SLFN13: variants seen among roughly 807,000 people sequenced by gnomAD.
SLFN13 encodes the protein schlafen-13.
In SLFN13, 43 loss-of-function variants were observed where a neutral mutation model predicts 50.6. The observed-to-expected ratio is 0.85, with a 90% confidence interval of 0.67 to 1.09. SLFN13 has a LOEUF of 1.09. Ranked by LOEUF, SLFN13 falls within the 50% of genes least tolerant of loss-of-function variation. The pLI, the probability that SLFN13 is intolerant of heterozygous loss-of-function variation, is 0.00. For missense variants in SLFN13, 881 were observed against 1,071.1 expected (o/e 0.82, Z 2.48); for synonymous variants, 339 against 386.5 (o/e 0.88, Z 1.44).
In SLFN13 at chr17:35,440,840, T is replaced by C. The variant is rs369680515; in HGVS notation, c.2449A>G (p.Thr817Ala). The C allele has an allele frequency of 6.2e-7, 1 of 1,614,132 alleles. No individual in the cohort carries two copies. ...TTAGACTGATACTGCTCCACTTCTG[T>C]CACGGTGCTGACAAGCACAGCAACA... ...KDVAVLVSTVTEVEQYQSKLL... is the reference protein window; with the variant it reads ...KDVAVLVSTVAEVEQYQSKLL... The change falls in exon 6 of 6, where the codon ACA becomes GCA. Residue 817 changes from threonine (T) to alanine (A), a missense_variant. Transcript: ENST00000285013.
At chr17:35,441,418 GA>G (rs755307423) in intron 5 of SLFN13, 52 bp from the exon 6 acceptor site, 36 of 1,571,322 alleles carry the variant, frequency 2.3e-5, no homozygotes, top group Middle Eastern at 1.7e-4. Context: ...AACAAGGGGA[GA>G]AAATGATTGT....
Position 35,441,021 on chromosome 17 carries a change from G to T in SLFN13, c.2268C>A (p.Ile756=), listed in dbSNP as rs1188456273. 1 of 1,612,930 alleles carries T rather than the reference G, an allele frequency of 6.2e-7. No homozygotes were observed. The highest frequency in any genetic ancestry group is 1.1e-5 in the South Asian group (1 of 91,082). The change falls in exon 6 of 6, where the codon ATC becomes ATA. Residue 756 remains isoleucine (I), a synonymous_variant. Coordinates refer to ENST00000285013, the MANE Select transcript of SLFN13 (RefSeq NM_144682.6). ...QLIIENPPIN[I]PHGYLAILSE... is the part of the protein sequence containing the mutation. ...TGAGAATTGCCAGATACCCATGGGG[G>T]ATATTAATTGGAGGATTTTCTATAA...
rs554473580 is a variant in SLFN13 at position 35,437,003 on chromosome 17, T to C, written c.*3592A>G. ...TGATGATGGTACTATAAATGTCCTTTTAGGAAACACCCACTGAAGTATTTA... is the reference window on the plus strand; with the variant it reads ...TGATGATGGTACTATAAATGTCCTTCTAGGAAACACCCACTGAAGTATTTA... On this transcript the variant is annotated 3_prime_UTR_variant, in exon 6 of 6. Coordinates refer to ENST00000285013, the MANE Select transcript of SLFN13 (RefSeq NM_144682.6). The C allele has an allele frequency of 5.6e-4, 85 of 152,180 alleles. No individual in the cohort carries two copies. The highest frequency in any genetic ancestry group is 2.0e-3 in the African/African-American group (82 of 41,530). 9.4% of individuals were successfully genotyped at this position (152,180 alleles called of 1,614,324 possible). A position where few individuals can be genotyped will look rare whatever the true frequency, so the allele number is the denominator to read the frequency against.
At position 35,444,901 on chromosome 17, in the gene SLFN13, G is replaced by A; in HGVS notation, c.780C>T (p.Ala260=). The change falls in exon 3 of 6, where the codon GCC becomes GCT. Residue 260 remains alanine, a synonymous_variant. Transcript: ENST00000285013. ...AAGAGTCAGGGTCAACCTGTTCTTT[G>A]GCACATCCCAGGACTTTCCTACTCT... The part of the protein sequence containing the change: ...DDKSRKVLGC[A]KEQVDPDSLK... 1 of 1,614,160 alleles carries A rather than the reference G, an allele frequency of 6.2e-7. No individual in the cohort carries two copies. The highest frequency in any genetic ancestry group is 8.5e-7 in the Non-Finnish European group (1 of 1,180,036).
Position 35,441,025 on chromosome 17 carries a change from T to G in SLFN13, c.2264A>C (p.Asn755Thr), listed in dbSNP as rs750028535. The G allele has an allele frequency of 6.2e-7, 1 of 1,613,094 alleles. No homozygotes were observed. The highest frequency in any genetic ancestry group is 1.1e-5 in the South Asian group (1 of 91,088). ...MQLIIENPPI[N>T]IPHGYLAILS... ...AATTGCCAGATACCCATGGGGGATA[T>G]TAATTGGAGGATTTTCTATAATTAG... Residue 755 changes from asparagine (N) to threonine (T), a missense_variant, in exon 6 of 6, where the codon AAT becomes ACT. Around this residue, in one of 5 missense-constraint regions of SLFN13, gnomAD observed 322 missense variants for 327.4 expected, o/e 0.98. Transcript: ENST00000285013.
At position 35,437,678 on chromosome 17, in the gene SLFN13, T is replaced by C. The variant is rs1313235359; in HGVS notation, c.*2917A>G. The C allele has an allele frequency of 6.6e-6, 1 of 152,038 alleles. No individual in the cohort carries two copies. The highest frequency in any genetic ancestry group is 2.4e-5 in the African/African-American group (1 of 41,414). 9.4% of individuals were successfully genotyped at this position (152,038 alleles called of 1,614,324 possible). Reference sequence around the variant, plus strand: ...AGTGGCAGGAGACTACAAGGACAGATCTGTGAGCATTCCTGGAATTCTCAG... The same window carrying C: ...AGTGGCAGGAGACTACAAGGACAGACCTGTGAGCATTCCTGGAATTCTCAG... On this transcript the variant is annotated 3_prime_UTR_variant, in exon 6 of 6. Transcript: ENST00000285013.
Position 35,444,783 on chromosome 17 carries a change from C to T in SLFN13, c.898G>A (p.Glu300Lys), listed in dbSNP as rs1167259453. Reference protein sequence around the residue: ...PRVEYSTKIVEVFCGKELYGY... With the variant: ...PRVEYSTKIVKVFCGKELYGY... ...TACAACTCTTTCCCACAAAACACTT[C>T]TACGATTTTGGTGCTGTACTCTACC... Residue 300 changes from glutamate (E) to lysine (K), a missense_variant, in exon 3 of 6, where the codon GAA becomes AAA. Coordinates refer to ENST00000285013, the MANE Select transcript of SLFN13 (RefSeq NM_144682.6). 6.2e-7 allele frequency: 1 copy of T among 1,614,086 alleles called. No individual in the cohort carries two copies. The highest frequency in any genetic ancestry group is 8.5e-7 in the Non-Finnish European group (1 of 1,180,048).
rs540829149 is a variant in SLFN13 at position 35,443,903 on chromosome 17, C to G, written c.1084G>C (p.Ala362Pro). Residue 362 changes from alanine (A) to proline (P), a missense_variant, in exon 4 of 6, where the codon GCT becomes CCT. Physicochemically the swap from Ala to Pro is conservative, Grantham distance 27. Transcript: ENST00000285013. ...CTCAACTGAGACTCAAAGGCCTCAG[C>G]AAAGTCTGGAGGAAACTCTGAAAGA... The part of the protein sequence containing the change: ...DADPEFPPDF[A>P]EAFESQLSLS... 1 of 1,613,464 alleles carries G rather than the reference C, an allele frequency of 6.2e-7. No individual in the cohort carries two copies. The highest frequency in any genetic ancestry group is 1.7e-5 in the Admixed American group (1 of 59,992).
At chr17:35,449,195 G>A (rs111338966), upstream of SLFN13, among the ~76,000 whole-genome samples, 943 of 151,052 alleles carry the variant, frequency 6.2e-3, 14 homozygotes, top group African/African-American at 0.021. Flanking sequence ...AGTCGAGATC[G>A]CACCACTGCA....
chr17:35,436,166 C>T lies in SLFN13; in HGVS notation c.*4429G>A, dbSNP rs763577991. The T allele has an allele frequency of 6.6e-6, 1 of 152,108 alleles. No individual in the cohort carries two copies. 9.4% of individuals were successfully genotyped at this position (152,108 alleles called of 1,614,324 possible). On this transcript the variant is annotated 3_prime_UTR_variant, in exon 6 of 6. Coordinates refer to ENST00000285013, the MANE Select transcript of SLFN13 (RefSeq NM_144682.6). Reference sequence around the variant, plus strand: ...CATGAAATTAGTTAGGAACTGTTTCCTCTTTCTAGGAAAGCATTTGAATAA... The same window carrying T: ...CATGAAATTAGTTAGGAACTGTTTCTTCTTTCTAGGAAAGCATTTGAATAA...
intron 1 of SLFN13, chr17:35,448,133 C>T (rs1913325489): frequency 6.6e-6 from 1 of 152,100 alleles, no homozygotes; most frequent in African/African-American, 2.4e-5. Context: ...AATCCTCCCA[C>T]TTGGCCTTTC....
intron 3 of SLFN13, 116 bp downstream of exon 3, chr17:35,444,499 T>G: frequency 1.1e-6 from 1 of 932,420 alleles, no homozygotes; most frequent in Non-Finnish European, 1.5e-6. Context: ...AGCATGGAGA[T>G]TTAGAGAAAG....
At chr17:35,444,371 T>G (rs1385650688) in intron 3 of SLFN13, among the ~76,000 whole-genome samples, 1 of 152,252 alleles carries the variant, frequency 6.6e-6, no homozygotes, top group Non-Finnish European at 1.5e-5. Context: ...TCAATGGTTT[T>G]ATTAAAGGAA....
Position 35,442,298 on chromosome 17 carries a change from G to A in SLFN13, c.1199-12C>T. 3 of 1,543,888 alleles carry A rather than the reference G, an allele frequency of 1.9e-6. No homozygotes were observed. Among genetic ancestry groups the A allele is most frequent in the Non-Finnish European group, 2.6e-6 (3 of 1,147,898 alleles). ...ATGTCCTGGTGGAACTAGACAGGAAGAAAATAGAAAGATGTTTTCACTGTG... is the reference window on the plus strand; with the variant it reads ...ATGTCCTGGTGGAACTAGACAGGAAAAAAATAGAAAGATGTTTTCACTGTG... On this transcript the variant is annotated splice_polypyrimidine_tract_variant and intron_variant, in intron 4 of 5. Transcript: ENST00000285013.
Position 35,445,282 on chromosome 17 carries a change from T to C in SLFN13, c.399A>G (p.Ser133=). 1 of 1,613,980 alleles carries C rather than the reference T, an allele frequency of 6.2e-7. No homozygotes were observed. The highest frequency in any genetic ancestry group is 1.3e-5 in the African/African-American group (1 of 75,048). Residue 133 remains serine, a synonymous_variant, in exon 3 of 6, where the codon TCA becomes TCG. Coordinates refer to ENST00000285013, the MANE Select transcript of SLFN13 (RefSeq NM_144682.6). ...CAGAGGTGCCAGATCTACAGTATAA[T>C]GAAGAACTAAGGCTGCAAATGCGGG... ...FNSRICSLSS[S]LYCRSGTSVL...
chr17:35,444,025 A>G, intron 3 of SLFN13, 105 bp from the exon 4 acceptor site: 1 of 1,140,194 alleles, frequency 8.8e-7, no homozygotes, highest in South Asian at 1.9e-5. Flanking sequence ...GGTACAAGTC[A>G]GGCCACAAAG....
Position 35,437,756 on chromosome 17 carries a change from T to A in SLFN13, c.*2839A>T, listed in dbSNP as rs1051394981. ...AAAAAAATTTTAAAAAGGAGGGCAC[T>A]AAGTGGGGTATATAGGAACTTTCTG... On this transcript the variant is annotated 3_prime_UTR_variant, in exon 6 of 6. Transcript: ENST00000285013. 4.0e-5 allele frequency: 6 copies of A among 150,898 alleles called. No homozygotes were observed. The highest frequency in any genetic ancestry group is 4.0e-4 in the Admixed American group (6 of 15,108). 9.3% of individuals were successfully genotyped at this position (150,898 alleles called of 1,614,324 possible).
rs779356070 is a variant in SLFN13 at position 35,445,509 on chromosome 17, C to T, written c.172G>A (p.Gly58Arg). The T allele has an allele frequency of 6.2e-7, 1 of 1,614,178 alleles. No homozygotes were observed. Among genetic ancestry groups the T allele is most frequent in the Non-Finnish European group, 8.5e-7 (1 of 1,180,034 alleles). ...GCCATTTCCATCTGAATCACTCCTC[C>T]TCCTGAGTTTAATAAAGCACACGCG... The part of the protein sequence containing the change: ...RAACALLNSG[G>R]GVIQMEMANR... Residue 58 changes from glycine (G) to arginine (R), a missense_variant, in exon 3 of 6, where the codon GGA becomes AGA. Physicochemically the swap from Gly to Arg is moderately radical, Grantham distance 125. Around this residue, in one of 5 missense-constraint regions of SLFN13, gnomAD observed 497 missense variants for 518.3 expected, o/e 0.96. Coordinates refer to ENST00000285013, the MANE Select transcript of SLFN13 (RefSeq NM_144682.6).
At position 35,441,075 on chromosome 17, in the gene SLFN13, G is replaced by A. The variant is rs9896086; in HGVS notation, c.2214C>T (p.Ala738=). ...TRVVRNADEI[A]EYIQQEMQLI... ...GTTGCATTTCTTGTTGTATGTACTC[G>A]GCTATTTCATCTGCATTGCGAACTA... The change falls in exon 6 of 6, where the codon GCC becomes GCT. Residue 738 remains alanine, a synonymous_variant. Transcript: ENST00000285013. 3.8e-3 allele frequency: 6,052 copies of A among 1,613,820 alleles called. 168 individuals carry two copies. The African/African-American group carries it at 0.064, about 17-fold the overall frequency.
Sources: allele counts gnomAD v4.1 joint callset (sites outside exome capture counted in the v4.1 genomes callset), GRCh38; gene constraint gnomAD v4.1.1; regional missense constraint gnomAD v4.1.1; transcripts MANE v1.5; gene names NCBI Gene and HGNC (gene_info 2026-07-23, HGNC 2026-07-21).